Variants in CRACR2A observed in about 807,000 individuals in gnomAD.
CRACR2A encodes calcium release activated channel regulator 2A, also known as EF-hand calcium-binding domain-containing protein 4B.
In CRACR2A, 79 loss-of-function variants were observed where a neutral mutation model predicts 90.5. The observed-to-expected ratio is 0.87, with a 90% confidence interval of 0.73 to 1.05. The LOEUF (loss-of-function observed/expected upper bound fraction) is 1.05, where lower values mean the gene tolerates loss of function less well. CRACR2A is among the 50% of genes least tolerant of loss of function. The pLI is 0.00. For synonymous variants in CRACR2A, 338 were observed against 356.7 expected (o/e 0.95, Z 0.59); for missense variants, 823 against 897.2 (o/e 0.92, Z 1.06).
intron 6 of CRACR2A, among the ~76,000 whole-genome samples, chr12:3,677,879 C>T (rs1945364386): frequency 1.3e-5 from 2 of 152,220 alleles, no homozygotes; most frequent in South Asian, 4.1e-4. Flanking sequence ...CACACTTTCG[C>T]CAGCCTTTCC....
At chr12:3,631,531 G>A (rs1350093241) in intron 15 of CRACR2A, among the ~76,000 whole-genome samples, 2 of 152,200 alleles carry the variant, frequency 1.3e-5, no homozygotes, top group Non-Finnish European at 2.9e-5. Flanking sequence ...GCTGTCTCCT[G>A]TGTTACCACG....
chr12:3,683,113 G>C (rs1043030811), intron 4 of CRACR2A, among the ~76,000 whole-genome samples: 1 of 152,196 alleles, frequency 6.6e-6, no homozygotes, highest in Non-Finnish European at 1.5e-5. Context: ...GAGATAAGCA[G>C]GGTGGAGGGG....
intron 10 of CRACR2A, among the ~76,000 whole-genome samples, chr12:3,651,089 C>T (rs10848901): frequency 0.32 from 49,349 of 152,052 alleles, 9,153 homozygotes; most frequent in Admixed American, 0.46. Flanking sequence ...AAAGAACCTG[C>T]GTTTGTTTGG....
At chr12:3,636,578 G>A (rs1369874922) in intron 14 of CRACR2A, among the ~76,000 whole-genome samples, 1 of 152,276 alleles carries the variant, frequency 6.6e-6, no homozygotes, top group African/African-American at 2.4e-5. Context: ...AGATGTCTGA[G>A]CAGACGCTTA....
At position 3,648,568 on chromosome 12, in the gene CRACR2A, C is replaced by T. The variant is rs961543427; in HGVS notation, c.1092G>A (p.Gly364=). 4 of 1,614,166 alleles carry T rather than the reference C, an allele frequency of 2.5e-6. No homozygotes were observed. Among genetic ancestry groups the T allele is most frequent in the Non-Finnish European group, 1.7e-6 (2 of 1,180,024 alleles). ...VTESLQREKA[G]LLKQLDFLRE... ...TTAGGAAATCCAGCTGCTTGAGGAG[C>T]CCGGCCTTCTCACGCTGTAGACTCT... is the stretch of plus-strand genomic sequence containing the variant. Residue 364 remains glycine (G), a synonymous_variant, in exon 11 of 20, where the codon GGG becomes GGA. Coordinates refer to ENST00000440314, the MANE Select transcript of CRACR2A (RefSeq NM_001144958.2).
At chr12:3,677,487 G>A (rs1362315552) in intron 6 of CRACR2A, among the ~76,000 whole-genome samples, 1 of 152,200 alleles carries the variant, frequency 6.6e-6, no homozygotes, top group Non-Finnish European at 1.5e-5. Context: ...CTCTAATTGA[G>A]AACCTTGCCA....
At chr12:3,751,431 C>G (rs1946700650) in intron 1 of CRACR2A, among the ~76,000 whole-genome samples, 1 of 152,184 alleles carries the variant, frequency 6.6e-6, no homozygotes, top group Admixed American at 6.5e-5. Context: ...GAACCCAGCT[C>G]CAGGAACAAC....
rs1300492484 is a variant in CRACR2A, at chr12:3,615,371, T to C, written c.2180A>G (p.Lys727Arg). The part of the protein sequence containing the change: ...TIQVGHPAKK[K>R]SCCG ...AGGACCCTATCAGCCACAGCAGGAT[T>C]TCTTCTTAGCAGGGTGGCCGACCTG... is the stretch of plus-strand genomic sequence containing the variant. Residue 727 changes from lysine (K) to arginine (R), a missense_variant, in exon 20 of 20, where the codon AAA becomes AGA. Lys to Arg is a conservative substitution (Grantham distance 26). Coordinates refer to ENST00000440314, the MANE Select transcript of CRACR2A (RefSeq NM_001144958.2). 8 of 1,551,620 alleles carry C rather than the reference T, an allele frequency of 5.2e-6. No individual in the cohort carries two copies. The highest frequency in any genetic ancestry group is 7.0e-6 in the Non-Finnish European group (8 of 1,146,940).
rs551258952 is a variant in CRACR2A at position 3,691,806 on chromosome 12, T to A, written c.228+4966A>T. Among the ~76,000 whole-genome samples the A allele has an allele frequency of 3.3e-5, 5 of 152,364 alleles. No individual in the cohort carries two copies. In the South Asian group the frequency reaches 1.0e-3, roughly 32 times the overall value. ...CAGTAAGTCATAGATTTTGTCTCTT[T>A]ACATAATCCCATATTTCTCAGAGGT... On this transcript the variant is annotated intron_variant, in intron 4 of 19. Transcript: ENST00000440314.
intron 7 of CRACR2A, among the ~76,000 whole-genome samples, chr12:3,660,019 A>G (rs1945000057): frequency 1.3e-5 from 2 of 152,110 alleles, no homozygotes; most frequent in Admixed American, 6.5e-5. Flanking sequence ...CAGACGTATC[A>G]TCCCTGTTCC....
intron 11 of CRACR2A, 104 bp downstream of exon 11, chr12:3,648,438 G>A: frequency 6.3e-7 from 1 of 1,597,558 alleles, no homozygotes; most frequent in Non-Finnish European, 8.6e-7. Context: ...CTCTCAGCAG[G>A]CACGTTTTTC....
At chr12:3,629,852 G>GC (rs1171139257) in intron 15 of CRACR2A, among the ~76,000 whole-genome samples, 2 of 133,040 alleles carry the variant, frequency 1.5e-5, no homozygotes, top group African/African-American at 3.9e-5. Flanking sequence ...AAGACAAGGG[G>GC]GGGGGGGGAT....
chr12:3,702,711 C>T (rs990629783), intron 3 of CRACR2A, among the ~76,000 whole-genome samples: 1 of 152,164 alleles, frequency 6.6e-6, no homozygotes, highest in Non-Finnish European at 1.5e-5. Flanking sequence ...GATGTCATTT[C>T]TTCCTAAGTC....
intron 2 of CRACR2A, among the ~76,000 whole-genome samples, chr12:3,722,492 C>G (rs1345845557): frequency 1.3e-5 from 2 of 152,144 alleles, no homozygotes; most frequent in Non-Finnish European, 1.5e-5. Flanking sequence ...CCGTGGGGAC[C>G]TGGAATGGCA....
chr12:3,638,669 T>C (rs1436796992), intron 13 of CRACR2A, among the ~76,000 whole-genome samples: 3 of 152,182 alleles, frequency 2.0e-5, no homozygotes, highest in African/African-American at 7.2e-5. Flanking sequence ...CTGTGGCAGA[T>C]GATGACAAAG....
At chr12:3,642,368 C>A (rs757687224) in intron 12 of CRACR2A, among the ~76,000 whole-genome samples, 3 of 152,120 alleles carry the variant, frequency 2.0e-5, no homozygotes, top group Non-Finnish European at 2.9e-5. Flanking sequence ...AGGCGCCCTA[C>A]CATGCCTGGC....
At chr12:3,627,584 G>A (rs894139080) in intron 16 of CRACR2A, 34 bp from the exon 17 acceptor site, 134 of 1,551,328 alleles carry the variant, frequency 8.6e-5, no homozygotes, top group Non-Finnish European at 1.1e-4. Flanking sequence ...AGGCATGCAC[G>A]GCCTTCCCTC....
At position 3,639,081 on chromosome 12, in the gene CRACR2A, G is replaced by A. The variant is rs180691030; in HGVS notation, c.1272-627C>T. The stretch of plus-strand genomic sequence containing the variant: ...CCTCAGCAGTGTGAGGGGTGCTGTT[G>A]CTTTGGGAGGGCCCCCCACCTCCAG... On this transcript the variant is annotated intron_variant, in intron 13 of 19. Coordinates refer to ENST00000440314, the MANE Select transcript of CRACR2A (RefSeq NM_001144958.2). Among the ~76,000 whole-genome samples the A allele has an allele frequency of 1.6e-4, 24 of 152,274 alleles. No individual in the cohort carries two copies. In the East Asian group the frequency reaches 3.9e-3, roughly 25 times the overall value.
rs190053867 is a variant in CRACR2A, at chr12:3,726,729, G to A, written c.-118+6213C>T. 47 of 152,080 alleles carry A rather than the reference G, an allele frequency of 3.1e-4. No individual in the cohort carries two copies. In the East Asian group the frequency reaches 6.2e-3, roughly 20 times the overall value. 9.4% of individuals were successfully genotyped at this position (152,080 alleles called of 1,614,324 possible). ...GTGTAGCGTCATGATAATTTATTAC[G>A]CTGTGATATGGGGCAGGATAGTGAC... On this transcript the variant is annotated intron_variant, in intron 2 of 19. Coordinates refer to ENST00000440314, the MANE Select transcript of CRACR2A (RefSeq NM_001144958.2).
Sources: allele counts gnomAD v4.1 joint callset (sites outside exome capture counted in the v4.1 genomes callset), GRCh38; gene constraint gnomAD v4.1.1; transcripts MANE v1.5; gene names NCBI Gene and HGNC (gene_info 2026-07-23, HGNC 2026-07-21).